KHDRBS2: variants seen among roughly 807,000 people sequenced by gnomAD.
KHDRBS2 encodes the protein KH RNA binding domain containing, signal transduction associated 2.
Under a neutral mutation model 44.3 loss-of-function variants are expected in KHDRBS2, and 26 were observed. The observed-to-expected ratio is 0.59, with a 90% CI of 0.43 to 0.81. KHDRBS2 has a LOEUF of 0.81. KHDRBS2 is among the 40% of genes least tolerant of loss of function. The pLI, the probability that KHDRBS2 is intolerant of heterozygous loss-of-function variation, is 0.00. For missense variants in KHDRBS2, 476 were observed against 433.1 expected (o/e 1.10, Z -0.88); for synonymous variants, 194 against 151.1 (o/e 1.28, Z -2.08).
At chr6:61,663,510 T>TATATATATATATAC in the KHDRBS2 span, among the ~76,000 whole-genome samples, 1 of 92,212 alleles carries the variant, frequency 1.1e-5, no homozygotes, top group Non-Finnish European at 2.1e-5. Context: ...CATATATATA[T>TATATATATATATAC]ATATATATAT....
At chr6:61,903,164 AAATAT>A in intron 4 of KHDRBS2, among the ~76,000 whole-genome samples, 1 of 152,354 alleles carries the variant, frequency 6.6e-6, no homozygotes. Flanking sequence ...TAGAATCAGG[AAATAT>A]AATGAATTGC....
chr6:62,027,213 G>C (rs1418330567), intron 3 of KHDRBS2, among the ~76,000 whole-genome samples: 1 of 151,882 alleles, frequency 6.6e-6, no homozygotes, highest in Non-Finnish European at 1.5e-5. Flanking sequence ...AGAGTGTGTT[G>C]ACAAACATTA....
At chr6:62,106,710 G>A (rs966915643) in intron 2 of KHDRBS2, among the ~76,000 whole-genome samples, 3 of 151,954 alleles carry the variant, frequency 2.0e-5, no homozygotes, top group African/African-American at 7.3e-5. Context: ...ACTGGCAAAC[G>A]GAATCCAGCA....
At chr6:62,231,859 C>T (rs1486087025) in intron 1 of KHDRBS2, among the ~76,000 whole-genome samples, 13 of 152,196 alleles carry the variant, frequency 8.5e-5, no homozygotes, top group Middle Eastern at 3.4e-3. Flanking sequence ...ATATATGATG[C>T]ACTACTCAAG....
the KHDRBS2 span, chr6:61,574,186 C>T: frequency 2.6e-5 from 17 of 644,082 alleles, no homozygotes; most frequent in South Asian, 8.9e-5. Context: ...AATCTTACCC[C>T]GCCTGTTTAC....
intron 4 of KHDRBS2, among the ~76,000 whole-genome samples, chr6:61,977,840 C>T (rs1452658857): frequency 2.6e-5 from 4 of 152,076 alleles, no homozygotes; most frequent in Non-Finnish European, 5.9e-5. Flanking sequence ...TGGCATGACA[C>T]CAGCATGACA....
intron 6 of KHDRBS2, among the ~76,000 whole-genome samples, chr6:61,764,947 C>A (rs994350838): frequency 4.2e-5 from 5 of 119,736 alleles, no homozygotes; most frequent in Non-Finnish European, 9.6e-5. Flanking sequence ...TAAAAAAAAT[C>A]AAAAACTTAA....
At chr6:62,048,988 T>G (rs982741790) in intron 2 of KHDRBS2, among the ~76,000 whole-genome samples, 5 of 151,900 alleles carry the variant, frequency 3.3e-5, no homozygotes, top group African/African-American at 1.2e-4. Context: ...TTCTCTTCTC[T>G]TCTCTTTTTT....
At chr6:61,547,677 A>G in the KHDRBS2 span, among the ~76,000 whole-genome samples, 3 of 152,140 alleles carry the variant, frequency 2.0e-5, no homozygotes, top group Non-Finnish European at 4.4e-5. Context: ...ACAATGCTGG[A>G]CCAATTAAGC....
the KHDRBS2 span, among the ~76,000 whole-genome samples, chr6:61,664,957 C>A: frequency 3.3e-5 from 5 of 151,364 alleles, no homozygotes; most frequent in African/African-American, 1.2e-4. Context: ...TAAATATATA[C>A]CTATTGGATA....
At chr6:62,252,688 C>T (rs1351266291) in intron 1 of KHDRBS2, among the ~76,000 whole-genome samples, 1 of 151,950 alleles carries the variant, frequency 6.6e-6, no homozygotes, top group East Asian at 1.9e-4. Flanking sequence ...TATGACAGCA[C>T]TTTTGATTAT....
chr6:61,732,006 T>C (rs1774532399), intron 7 of KHDRBS2, among the ~76,000 whole-genome samples: 1 of 152,090 alleles, frequency 6.6e-6, no homozygotes. Context: ...CAAAGGGCCA[T>C]GAAGAAGCAT....
chr6:61,594,184 T>G, the KHDRBS2 span, among the ~76,000 whole-genome samples: 1 of 151,962 alleles, frequency 6.6e-6, no homozygotes, highest in Admixed American at 6.6e-5. Flanking sequence ...ACAAATTGCA[T>G]AAAATAAAAA....
chr6:61,974,769 A>G (rs1463575123), intron 4 of KHDRBS2, among the ~76,000 whole-genome samples: 3 of 151,662 alleles, frequency 2.0e-5, no homozygotes, highest in Non-Finnish European at 4.4e-5. Flanking sequence ...CATCTCTACT[A>G]AAAATACAAA....
the KHDRBS2 span, among the ~76,000 whole-genome samples, chr6:61,634,960 G>T: frequency 2.6e-5 from 4 of 151,828 alleles, no homozygotes; most frequent in African/African-American, 9.7e-5. Context: ...GCCAAAAAAA[G>T]AAGCTTTCTT....
the KHDRBS2 span, among the ~76,000 whole-genome samples, chr6:61,652,476 TTA>T: frequency 1.3e-5 from 2 of 151,998 alleles, no homozygotes; most frequent in African/African-American, 4.8e-5. Flanking sequence ...CTTATTCACT[TTA>T]TGTGCTTATT....
intron 4 of KHDRBS2, among the ~76,000 whole-genome samples, chr6:61,914,916 C>T (rs553689904): frequency 3.3e-5 from 5 of 152,174 alleles, no homozygotes; most frequent in South Asian, 4.1e-4. Flanking sequence ...GAGATGAAAA[C>T]GAGCAATCCA....
At chr6:61,981,060 G>C (rs192964214) in intron 3 of KHDRBS2, among the ~76,000 whole-genome samples, 51 of 152,014 alleles carry the variant, frequency 3.4e-4, no homozygotes, top group Admixed American at 2.2e-3. Context: ...TATAATACAG[G>C]CCCTGTGAGG....
intron 4 of KHDRBS2, among the ~76,000 whole-genome samples, chr6:61,918,276 C>T (rs187820826): frequency 6.6e-4 from 100 of 151,992 alleles, no homozygotes; most frequent in African/African-American, 2.3e-3. Context: ...ATCAATAGCT[C>T]ATAGATGCCT....
Sources: allele counts gnomAD v4.1 joint callset (sites outside exome capture counted in the v4.1 genomes callset), GRCh38; gene constraint gnomAD v4.1.1; transcripts MANE v1.5; gene names NCBI Gene and HGNC (gene_info 2026-07-23, HGNC 2026-07-21).